The following TACR1 variants were observed in gnomAD, a reference collection of about 807,000 sequenced individuals.
The protein encoded by TACR1 is substance-P receptor.
In TACR1, 25 loss-of-function variants were observed where a neutral mutation model predicts 35.8. That is an observed-to-expected ratio of 0.70 (90% CI 0.51 to 0.98). The LOEUF is 0.98. Among genes scored for constraint, TACR1 ranks in the 50% least tolerant of loss-of-function variants. The pLI is 0.00. For missense variants in TACR1, 478 were observed against 522.9 expected (o/e 0.91, Z 0.84); for synonymous variants, 195 against 206.7 (o/e 0.94, Z 0.48).
At chr2:75,183,110 G>A (rs1376989331) in intron 1 of TACR1, among the ~76,000 whole-genome samples, 1 of 152,166 alleles carries the variant, frequency 6.6e-6, no homozygotes, top group Non-Finnish European at 1.5e-5. Flanking sequence ...GCATGAGTGT[G>A]TTCAATGTCA....
intron 2 of TACR1, among the ~76,000 whole-genome samples, chr2:75,115,906 CAAAAA>C (rs1158476632): frequency 1.5e-4 from 8 of 54,468 alleles, no homozygotes; most frequent in East Asian, 6.4e-4. Flanking sequence ...GACTCCGTCT[CAAAAA>C]AAAAAAAAAA....
At chr2:75,089,707 G>C (rs1482953626) in intron 2 of TACR1, among the ~76,000 whole-genome samples, 1 of 152,174 alleles carries the variant, frequency 6.6e-6, no homozygotes, top group Admixed American at 6.5e-5. Flanking sequence ...GGCAGAGGCT[G>C]TCAGTACCTT....
intron 2 of TACR1, among the ~76,000 whole-genome samples, chr2:75,066,986 A>T (rs547686537): frequency 6.6e-6 from 1 of 152,356 alleles, no homozygotes; most frequent in East Asian, 1.9e-4. Context: ...TACAAAAAAA[A>T]GGTCTTTATT....
intron 1 of TACR1, among the ~76,000 whole-genome samples, chr2:75,137,887 T>A (rs1161446205): frequency 6.6e-6 from 1 of 152,168 alleles, no homozygotes; most frequent in East Asian, 1.9e-4. Flanking sequence ...AGATCTTTAC[T>A]GTGTTTCTGT....
chr2:75,174,630 G>C (rs1486771792), intron 1 of TACR1, among the ~76,000 whole-genome samples: 1 of 152,226 alleles, frequency 6.6e-6, no homozygotes, highest in Non-Finnish European at 1.5e-5. Context: ...CGTGGATAAG[G>C]GGGGACTATT....
At chr2:75,191,463 T>C (rs1675845765) in intron 1 of TACR1, among the ~76,000 whole-genome samples, 1 of 152,094 alleles carries the variant, frequency 6.6e-6, no homozygotes, top group African/African-American at 2.4e-5. Flanking sequence ...GTTTCTGGTA[T>C]GCTTGGGTAG....
At chr2:75,051,947 AGGG>A (rs954189590) in intron 3 of TACR1, among the ~76,000 whole-genome samples, 3 of 152,124 alleles carry the variant, frequency 2.0e-5, no homozygotes, top group African/African-American at 7.2e-5. Flanking sequence ...GGGTGGGACA[AGGG>A]GAGATGCAGT....
intron 1 of TACR1, among the ~76,000 whole-genome samples, chr2:75,135,197 C>A (rs547948847): frequency 1.3e-5 from 2 of 152,284 alleles, no homozygotes; most frequent in African/African-American, 4.8e-5. Context: ...TATCTCTTTC[C>A]CTCTCCCTAT....
intron 1 of TACR1, among the ~76,000 whole-genome samples, chr2:75,153,761 A>T (rs575885095): frequency 7.3e-4 from 111 of 152,300 alleles, no homozygotes; most frequent in African/African-American, 2.4e-3. Context: ...AGGTGGACCA[A>T]CCAGGGATGC....
At chr2:75,071,875 T>A (rs1463910397) in intron 2 of TACR1, among the ~76,000 whole-genome samples, 1 of 152,204 alleles carries the variant, frequency 6.6e-6, no homozygotes, top group African/African-American at 2.4e-5. Context: ...AAGAGAGAAC[T>A]GAGAACAAAC....
chr2:75,154,743 C>A (rs1022090515), intron 1 of TACR1, among the ~76,000 whole-genome samples: 3 of 151,968 alleles, frequency 2.0e-5, no homozygotes, highest in African/African-American at 7.3e-5. Flanking sequence ...TTTTCTGGCC[C>A]CAGGTCTCTC....
At chr2:75,171,310 A>G (rs1675276923) in intron 1 of TACR1, among the ~76,000 whole-genome samples, 1 of 152,216 alleles carries the variant, frequency 6.6e-6, no homozygotes, top group Non-Finnish European at 1.5e-5. Flanking sequence ...CTGTGGGTGC[A>G]CAAAAGTCAA....
chr2:75,144,866 A>C (rs555792168), intron 1 of TACR1, among the ~76,000 whole-genome samples: 4 of 152,326 alleles, frequency 2.6e-5, no homozygotes, highest in African/African-American at 9.6e-5. Flanking sequence ...TGATGATTTG[A>C]AAGTCCACTT....
chr2:75,123,966 G>T (rs1413434823), intron 1 of TACR1, among the ~76,000 whole-genome samples: 1 of 152,170 alleles, frequency 6.6e-6, no homozygotes, highest in Non-Finnish European at 1.5e-5. Context: ...CAAACCCAAG[G>T]AAAATACATT....
intron 2 of TACR1, among the ~76,000 whole-genome samples, chr2:75,063,840 T>C (rs1369209971): frequency 6.6e-6 from 1 of 152,200 alleles, no homozygotes; most frequent in Non-Finnish European, 1.5e-5. Context: ...GGCTACACCA[T>C]TAGAATGTCC....
rs138446039 is a variant in TACR1, at chr2:75,169,233, A to G, written c.389+29313T>C. On this transcript the variant is annotated intron_variant, in intron 1 of 4. Transcript: ENST00000305249. The stretch of plus-strand genomic sequence containing the variant: ...TGGAAATCATGTTTGATAGATTACA[A>G]TTCTCATAATCACTTCTTTTGTTTC... 4.5e-3 allele frequency among the ~76,000 whole-genome samples: 686 copies of G among 152,292 alleles called. 7 individuals carry two copies. Among genetic ancestry groups the G allele is most frequent in the African/African-American group, 0.016 (669 of 41,584 alleles).
At chr2:75,193,524 C>T (rs1186443007) in intron 1 of TACR1, among the ~76,000 whole-genome samples, 1 of 152,214 alleles carries the variant, frequency 6.6e-6, no homozygotes, top group African/African-American at 2.4e-5. Flanking sequence ...TGGGCAACTC[C>T]TCAATTCATT....
At chr2:75,127,398 G>A (rs562917736) in intron 1 of TACR1, among the ~76,000 whole-genome samples, 2 of 152,216 alleles carry the variant, frequency 1.3e-5, no homozygotes, top group South Asian at 4.1e-4. Flanking sequence ...ATTAATATTA[G>A]CAGCAGAGTC....
chr2:75,159,123 G>C (rs571204964), intron 1 of TACR1, among the ~76,000 whole-genome samples: 5 of 151,952 alleles, frequency 3.3e-5, no homozygotes, highest in African/African-American at 1.2e-4. Flanking sequence ...AGCTAATTTT[G>C]TAGGGGACCT....
Sources: allele counts gnomAD v4.1 joint callset (sites outside exome capture counted in the v4.1 genomes callset), GRCh38; gene constraint gnomAD v4.1.1; transcripts MANE v1.5; gene names NCBI Gene and HGNC (gene_info 2026-07-23, HGNC 2026-07-21).